Variants in PIK3CB observed in about 807,000 individuals in gnomAD.
The protein encoded by PIK3CB is phosphatidylinositol 4,5-bisphosphate 3-kinase catalytic subunit beta isoform.
Under a neutral mutation model 136.8 loss-of-function variants are expected in PIK3CB, and 39 were observed. The ratio of observed to expected loss-of-function variants is 0.29; its 90% CI spans 0.22 to 0.37. PIK3CB has a LOEUF of 0.37. PIK3CB is among the 10% of genes least tolerant of loss of function. PIK3CB has a pLI of 1.00. For missense variants in PIK3CB, 868 were observed against 1,275.4 expected (o/e 0.68, Z 4.87); for synonymous variants, 428 against 436.6 (o/e 0.98, Z 0.25).
chr3:138,692,171 G>C (rs1170291374), intron 14 of PIK3CB, among the ~76,000 whole-genome samples: 8 of 152,112 alleles, frequency 5.3e-5, no homozygotes, highest in Non-Finnish European at 1.0e-4. Flanking sequence ...AGCAGTATAA[G>C]GTATGAAGCC....
intron 2 of PIK3CB, among the ~76,000 whole-genome samples, chr3:138,791,304 G>A (rs926208450): frequency 1.3e-5 from 2 of 151,904 alleles, no homozygotes; most frequent in African/African-American, 2.4e-5. Context: ...CACCACGCCC[G>A]ACTGATTTTT....
chr3:138,740,064 T>C (rs2045210083), intron 5 of PIK3CB, among the ~76,000 whole-genome samples: 1 of 151,618 alleles, frequency 6.6e-6, no homozygotes, highest in Non-Finnish European at 1.5e-5. Context: ...GCTTCCAGAA[T>C]TGTGAGAAAC....
intron 1 of PIK3CB, among the ~76,000 whole-genome samples, chr3:138,818,902 G>GAGAAATAAAAGGAATA (rs1447078795): frequency 7.9e-5 from 12 of 152,058 alleles, no homozygotes; most frequent in Non-Finnish European, 1.5e-4. Flanking sequence ...ATATAACTTA[G>GAGAAATAAAAGGAATA]TACAAAATTA....
intron 1 of PIK3CB, chr3:138,825,795 T>C (rs1933760836): frequency 1.1e-6 from 1 of 904,016 alleles, no homozygotes; most frequent in Admixed American, 2.0e-5. Context: ...CTCCAGTCAA[T>C]GTTACAACTG....
At chr3:138,720,042 A>T (rs1393139860) in intron 8 of PIK3CB, among the ~76,000 whole-genome samples, 1 of 152,216 alleles carries the variant, frequency 6.6e-6, no homozygotes, top group African/African-American at 2.4e-5. Flanking sequence ...CTGACAAGAA[A>T]GATACCAGTA....
At chr3:138,726,769 C>T (rs564527722) in intron 8 of PIK3CB, among the ~76,000 whole-genome samples, 18 of 152,028 alleles carry the variant, frequency 1.2e-4, no homozygotes, top group African/African-American at 3.9e-4. Flanking sequence ...TAGCCAGGCT[C>T]GGTGGCTCAT....
intron 2 of PIK3CB, among the ~76,000 whole-genome samples, chr3:138,783,364 G>A (rs942945048): frequency 5.3e-5 from 8 of 151,452 alleles, no homozygotes; most frequent in Admixed American, 2.0e-4. Context: ...TCACTGCATC[G>A]TCAACCTCTG....
chr3:138,741,093 G>A (rs570264039), intron 5 of PIK3CB, among the ~76,000 whole-genome samples: 3 of 152,272 alleles, frequency 2.0e-5, no homozygotes, highest in African/African-American at 4.8e-5. Context: ...TAGACTCAAC[G>A]TATCTCAGGA....
At chr3:138,819,834 G>A (rs1247030098) in intron 1 of PIK3CB, among the ~76,000 whole-genome samples, 1 of 152,118 alleles carries the variant, frequency 6.6e-6, no homozygotes, top group African/African-American at 2.4e-5. Context: ...AATTAGCTGG[G>A]CATGGTCACA....
chr3:138,810,999 T>C (rs1933018418), intron 1 of PIK3CB, among the ~76,000 whole-genome samples: 1 of 151,810 alleles, frequency 6.6e-6, no homozygotes, highest in Non-Finnish European at 1.5e-5. Flanking sequence ...GAGGCCGAGA[T>C]GGGCAGATCA....
At chr3:138,756,243 C>G (rs1341389576) in intron 3 of PIK3CB, among the ~76,000 whole-genome samples, 2 of 151,836 alleles carry the variant, frequency 1.3e-5, no homozygotes, top group African/African-American at 2.4e-5. Flanking sequence ...CTTACAACAG[C>G]AAATTATAGG....
intron 23 of PIK3CB, among the ~76,000 whole-genome samples, 157 bp from the exon 24 acceptor site, chr3:138,655,683 C>T (rs886258218): frequency 1.3e-5 from 2 of 152,056 alleles, no homozygotes; most frequent in African/African-American, 4.8e-5. Flanking sequence ...GAGGCAGAAC[C>T]CCAAGATAGG....
intron 13 of PIK3CB, among the ~76,000 whole-genome samples, chr3:138,697,898 A>G (rs1340937752): frequency 1.3e-5 from 2 of 151,976 alleles, no homozygotes; most frequent in Admixed American, 6.6e-5. Context: ...ATGTCCAGCT[A>G]ATGTTTGTAT....
chr3:138,779,388 CTTTTTTT>C (rs753018315), intron 2 of PIK3CB, among the ~76,000 whole-genome samples: 4 of 112,056 alleles, frequency 3.6e-5, no homozygotes, highest in Non-Finnish European at 6.9e-5. Context: ...GCCCGGCCTT[CTTTTTTT>C]TTTTTTTTTT....
At chr3:138,769,838 G>A (rs1282075074) in intron 2 of PIK3CB, among the ~76,000 whole-genome samples, 2 of 152,152 alleles carry the variant, frequency 1.3e-5, no homozygotes, top group Non-Finnish European at 2.9e-5. Context: ...GTGACTCAGA[G>A]TTTCAACTTG....
intron 5 of PIK3CB, among the ~76,000 whole-genome samples, chr3:138,738,207 T>C (rs1023472440): frequency 9.9e-5 from 15 of 152,118 alleles, no homozygotes; most frequent in South Asian, 2.1e-4. Flanking sequence ...AGTCTCACAC[T>C]GTCCCCCAGG....
At chr3:138,678,969 G>A (rs2043705748) in intron 19 of PIK3CB, among the ~76,000 whole-genome samples, 1 of 152,118 alleles carries the variant, frequency 6.6e-6, no homozygotes, top group Non-Finnish European at 1.5e-5. Flanking sequence ...GGGAGGCTGA[G>A]GTATGAGAAT....
intron 21 of PIK3CB, among the ~76,000 whole-genome samples, 168 bp from the exon 22 acceptor site, chr3:138,658,003 A>T (rs2043221116): frequency 6.6e-6 from 1 of 152,008 alleles, no homozygotes; most frequent in Non-Finnish European, 1.5e-5. Flanking sequence ...CATATCTAAC[A>T]CTCTTAAGAC....
intron 4 of PIK3CB, among the ~76,000 whole-genome samples, chr3:138,749,016 A>C (rs2045418522): frequency 6.6e-6 from 1 of 152,204 alleles, no homozygotes; most frequent in African/African-American, 2.4e-5. Flanking sequence ...AATAAAACAC[A>C]GCAAAGGTAT....
Sources: allele counts gnomAD v4.1 joint callset (sites outside exome capture counted in the v4.1 genomes callset), GRCh38; gene constraint gnomAD v4.1.1; transcripts MANE v1.5; gene names NCBI Gene and HGNC (gene_info 2026-07-23, HGNC 2026-07-21).